YAF2: variants seen among roughly 807,000 people sequenced by gnomAD.
YAF2 encodes the protein YY1-associated factor 2.
A neutral mutation model predicts 20.1 loss-of-function variants in YAF2; 7 were observed. The observed-to-expected ratio is 0.35, with a 90% CI of 0.20 to 0.65. YAF2 has a LOEUF of 0.65. Ranked by LOEUF, YAF2 falls within the 30% of genes least tolerant of loss-of-function variation. The pLI, the probability that YAF2 is intolerant of heterozygous loss-of-function variation, is 0.69. For synonymous variants in YAF2, 74 were observed against 76.0 expected (o/e 0.97, Z 0.14); for missense variants, 151 against 219.2 (o/e 0.69, Z 1.96).
intron 2 of YAF2, chr12:42,237,324 C>CAGCG (rs2068198131): frequency 1.1e-6 from 1 of 952,354 alleles, no homozygotes. Flanking sequence ...GCATTACACC[C>CAGCG]AGCGATACGA....
intron 2 of YAF2, among the ~76,000 whole-genome samples, chr12:42,175,719 C>A (rs796075307): frequency 3.9e-5 from 3 of 76,940 alleles, no homozygotes; most frequent in African/African-American, 1.3e-4. Flanking sequence ...TCCAGCCTGG[C>A]GACAGAGCAA....
chr12:42,223,652 C>T (rs1018335384), intron 2 of YAF2, among the ~76,000 whole-genome samples: 6 of 152,082 alleles, frequency 3.9e-5, no homozygotes, highest in Admixed American at 1.3e-4. Context: ...TGAGCCACCT[C>T]GCCCCACCAG....
At chr12:42,168,504 T>C (rs1245489354) in intron 2 of YAF2, among the ~76,000 whole-genome samples, 2 of 152,150 alleles carry the variant, frequency 1.3e-5, no homozygotes, top group Admixed American at 6.5e-5. Context: ...TTTTATGTCA[T>C]AAAATTTAAG....
intron 2 of YAF2, among the ~76,000 whole-genome samples, chr12:42,197,351 G>A (rs2066780361): frequency 6.6e-6 from 1 of 152,124 alleles, no homozygotes; most frequent in Non-Finnish European, 1.5e-5. Flanking sequence ...CCTAGCTAGG[G>A]GCAATGAAGT....
intron 2 of YAF2, chr12:42,199,064 C>T: frequency 1.8e-5 from 14 of 770,456 alleles, no homozygotes; most frequent in East Asian, 1.6e-4. Context: ...TTGTTTGTTC[C>T]TTTAGTATTA....
In YAF2 at chr12:42,160,199, A is replaced by G; in HGVS notation, c.*390T>C. ...TATACATATAACTATCTGTTTCACA[A>G]TTCTCAAATAATACATATTTAGGCA... On this transcript the variant is annotated 3_prime_UTR_variant, in exon 4 of 4. Coordinates refer to ENST00000534854, the MANE Select transcript of YAF2 (RefSeq NM_005748.6). 5.6e-6 allele frequency: 1 copy of G among 178,538 alleles called. No individual in the cohort carries two copies. The highest frequency in any genetic ancestry group is 1.2e-4 in the South Asian group (1 of 8,166). 11.1% of individuals were successfully genotyped at this position (178,538 alleles called of 1,614,324 possible). A position where few individuals can be genotyped will look rare whatever the true frequency, so the allele number is the denominator to read the frequency against.
chr12:42,226,608 A>G (rs573598534), intron 2 of YAF2, among the ~76,000 whole-genome samples: 1 of 152,206 alleles, frequency 6.6e-6, no homozygotes, highest in South Asian at 2.1e-4. Context: ...AGGCTGCAGT[A>G]AGCTATATCC....
chr12:42,210,872 T>G (rs2067188388), intron 2 of YAF2: 3 of 428,012 alleles, frequency 7.0e-6, no homozygotes, highest in Non-Finnish European at 1.2e-5. Context: ...TAGAATGGTT[T>G]CATTTTAAAA....
chr12:42,230,160 G>A (rs373690317), intron 2 of YAF2, among the ~76,000 whole-genome samples: 1 of 152,200 alleles, frequency 6.6e-6, no homozygotes, highest in African/African-American at 2.4e-5. Context: ...AGGAGGCTGA[G>A]GCAGGAGAAT....
chr12:42,190,027 C>A (rs1313903428), intron 2 of YAF2, among the ~76,000 whole-genome samples: 1 of 152,172 alleles, frequency 6.6e-6, no homozygotes, highest in African/African-American at 2.4e-5. Flanking sequence ...AATGCCATAA[C>A]AATTTACTTT....
At chr12:42,161,811 A>C (rs2065805905) in intron 2 of YAF2, 46 bp from the exon 3 acceptor site, 1 of 1,524,666 alleles carries the variant, frequency 6.6e-7, no homozygotes, top group Non-Finnish European at 8.9e-7. Context: ...ACAACTTAAA[A>C]CATAAGTGCT....
chr12:42,228,694 C>G (rs1592059611), intron 2 of YAF2, among the ~76,000 whole-genome samples: 9 of 96,532 alleles, frequency 9.3e-5, no homozygotes, highest in East Asian at 3.5e-4. Context: ...CCAGCCGCCC[C>G]GTCCGGGAGG....
intron 2 of YAF2, among the ~76,000 whole-genome samples, chr12:42,176,211 C>CA (rs61068649): frequency 0.023 from 2,014 of 89,170 alleles, 27 homozygotes; most frequent in African/African-American, 0.049. Flanking sequence ...GACTCTGTCT[C>CA]AAAAAAAAAA....
chr12:42,189,573 C>G (rs1260032225), intron 2 of YAF2, among the ~76,000 whole-genome samples: 1 of 152,104 alleles, frequency 6.6e-6, no homozygotes, highest in Non-Finnish European at 1.5e-5. Flanking sequence ...GCCAGTTAGA[C>G]TTGTGTATAT....
At chr12:42,221,242 G>C (rs572228594) in intron 2 of YAF2, among the ~76,000 whole-genome samples, 1 of 152,260 alleles carries the variant, frequency 6.6e-6, no homozygotes, top group Admixed American at 6.5e-5. Context: ...TTACTTGCTA[G>C]CAAATTTAAT....
intron 2 of YAF2, among the ~76,000 whole-genome samples, chr12:42,194,791 T>C (rs547654355): frequency 6.6e-6 from 1 of 152,310 alleles, no homozygotes; most frequent in East Asian, 1.9e-4. Context: ...TATCCCCTCA[T>C]GAAATATACA....
At chr12:42,179,285 C>T (rs1343131763) in intron 2 of YAF2, among the ~76,000 whole-genome samples, 2 of 152,152 alleles carry the variant, frequency 1.3e-5, no homozygotes, top group African/African-American at 2.4e-5. Context: ...GCCTGGCCAA[C>T]GTGGTGAAAC....
intron 2 of YAF2, among the ~76,000 whole-genome samples, chr12:42,217,599 T>C (rs188099870): frequency 5.3e-5 from 8 of 151,656 alleles, no homozygotes; most frequent in African/African-American, 1.4e-4. Flanking sequence ...ATTACAATTA[T>C]CATTATCATT....
chr12:42,197,060 T>C (rs994823645), intron 2 of YAF2, among the ~76,000 whole-genome samples: 25 of 152,210 alleles, frequency 1.6e-4, no homozygotes, highest in African/African-American at 6.0e-4. Context: ...AAATGTTTAG[T>C]GATGAGCTTA....
Sources: gnomAD v4.1 joint callset for allele counts (sites outside exome capture counted in the v4.1 genomes callset) on GRCh38, gnomAD v4.1.1 for gene constraint, MANE v1.5 for transcripts, NCBI Gene and HGNC (gene_info 2026-07-23, HGNC 2026-07-21) for gene names.